The following SEMA6D variants were observed in gnomAD, a reference collection of about 807,000 sequenced individuals.
The protein encoded by SEMA6D is semaphorin-6D.
In SEMA6D, 35 loss-of-function variants were observed where a neutral mutation model predicts 106.6. That is an observed-to-expected ratio of 0.33 (90% CI 0.25 to 0.44). SEMA6D has a LOEUF of 0.44. Ranked by LOEUF, SEMA6D falls within the 20% of genes least tolerant of loss-of-function variation. SEMA6D has a pLI of 1.00. For missense variants in SEMA6D, 1,185 were observed against 1,345.9 expected, an observed-to-expected ratio of 0.88 and a Z score of 1.87; for synonymous variants, 499 against 487.7, an observed-to-expected ratio of 1.02 and a Z score of -0.31.
chr15:47,625,544 G>C (rs758276236), intron 4 of SEMA6D, among the ~76,000 whole-genome samples: 7 of 151,876 alleles, frequency 4.6e-5, no homozygotes, highest in Non-Finnish European at 1.0e-4. Context: ...GGGCAACATG[G>C]TGAAACCCCG....
chr15:47,452,882 G>C (rs2042234244), intron 2 of SEMA6D, among the ~76,000 whole-genome samples: 1 of 151,812 alleles, frequency 6.6e-6, no homozygotes, highest in African/African-American at 2.4e-5. Context: ...AGTATTTATT[G>C]AATAACAGCA....
At chr15:47,609,145 C>T (rs139263575) in intron 4 of SEMA6D, among the ~76,000 whole-genome samples, 2 of 152,308 alleles carry the variant, frequency 1.3e-5, no homozygotes, top group East Asian at 3.9e-4. Flanking sequence ...TGTGCCATAA[C>T]ACGGATTGTG....
At chr15:47,690,809 G>A (rs535602549) in intron 4 of SEMA6D, among the ~76,000 whole-genome samples, 30 of 152,172 alleles carry the variant, frequency 2.0e-4, no homozygotes, top group South Asian at 8.3e-4. Flanking sequence ...ACTTCATTTT[G>A]TAGCAATTTT....
intron 1 of SEMA6D, among the ~76,000 whole-genome samples, chr15:47,346,631 G>T (rs918659301): frequency 6.6e-6 from 1 of 151,990 alleles, no homozygotes; most frequent in African/African-American, 2.4e-5. Flanking sequence ...GAAATTCTAT[G>T]GTGACATAGT....
At chr15:47,645,233 AAC>A (rs2077560060) in intron 4 of SEMA6D, among the ~76,000 whole-genome samples, 1 of 152,170 alleles carries the variant, frequency 6.6e-6, no homozygotes, top group African/African-American at 2.4e-5. Context: ...TCTTTAAGGA[AAC>A]AGTCAAGTTG....
intron 1 of SEMA6D, among the ~76,000 whole-genome samples, chr15:47,312,159 T>C (rs113378231): frequency 1.1e-4 from 16 of 150,604 alleles, no homozygotes; most frequent in East Asian, 7.8e-4. Context: ...TTTTTTTTTT[T>C]CCCCATTACC....
chr15:47,261,715 TTC>T (rs1453774224), intron 1 of SEMA6D, among the ~76,000 whole-genome samples: 1 of 152,118 alleles, frequency 6.6e-6, no homozygotes, highest in Non-Finnish European at 1.5e-5. Flanking sequence ...ATGAATTCCT[TTC>T]TGTTTCTATG....
intron 3 of SEMA6D, among the ~76,000 whole-genome samples, chr15:47,551,564 A>T (rs2045688517): frequency 1.3e-5 from 2 of 152,146 alleles, no homozygotes; most frequent in Admixed American, 1.3e-4. Flanking sequence ...GCTGAGCCTC[A>T]CATACTACAT....
At chr15:47,535,372 T>C (rs763906027) in intron 3 of SEMA6D, among the ~76,000 whole-genome samples, 1 of 152,016 alleles carries the variant, frequency 6.6e-6, no homozygotes, top group Non-Finnish European at 1.5e-5. Context: ...GGTCACTGAG[T>C]AGGAAGAGGC....
chr15:47,722,069 C>T (rs1008625907), intron 1 of SEMA6D, among the ~76,000 whole-genome samples: 7 of 152,142 alleles, frequency 4.6e-5, no homozygotes, highest in African/African-American at 1.4e-4. Flanking sequence ...GGCAACCTGT[C>T]CCAGGCCCCT....
At chr15:47,196,209 T>C (rs1894346209) in intron 1 of SEMA6D, among the ~76,000 whole-genome samples, 1 of 152,058 alleles carries the variant, frequency 6.6e-6, no homozygotes, top group Non-Finnish European at 1.5e-5. Context: ...ACAAGCTCAG[T>C]TCTTGGACAT....
intron 1 of SEMA6D, among the ~76,000 whole-genome samples, chr15:47,207,993 G>GCGCGCGCGCACACA (rs1424944556): frequency 2.2e-5 from 2 of 89,398 alleles, no homozygotes; most frequent in African/African-American, 8.2e-5. Context: ...TGGCGCGCGC[G>GCGCGCGCGCACACA]CACACACACA....
At chr15:47,465,554 G>A (rs1218650474) in intron 2 of SEMA6D, among the ~76,000 whole-genome samples, 1 of 152,174 alleles carries the variant, frequency 6.6e-6, no homozygotes, top group Non-Finnish European at 1.5e-5. Flanking sequence ...CGTGTTGGAG[G>A]AGGGGCCTGG....
chr15:47,354,448 C>G (rs1496921), intron 1 of SEMA6D, among the ~76,000 whole-genome samples: 146,410 of 147,092 alleles, frequency 1, 72,869 homozygotes, highest in Middle Eastern at 1. Flanking sequence ...GAACAAGAGA[C>G]AGTTTTTAAG....
At chr15:47,541,074 T>TCTTAGG (rs2045339530) in intron 3 of SEMA6D, among the ~76,000 whole-genome samples, 1 of 152,096 alleles carries the variant, frequency 6.6e-6, no homozygotes, top group African/African-American at 2.4e-5. Flanking sequence ...ATGGGCACAA[T>TCTTAGG]ACAGAGAGGC....
At chr15:47,453,305 T>C (rs1466240668) in intron 2 of SEMA6D, among the ~76,000 whole-genome samples, 1 of 151,812 alleles carries the variant, frequency 6.6e-6, no homozygotes, top group Non-Finnish European at 1.5e-5. Flanking sequence ...AAACACCCTT[T>C]CAACAAATGT....
intron 3 of SEMA6D, among the ~76,000 whole-genome samples, chr15:47,546,322 G>A (rs1323578689): frequency 1.3e-5 from 2 of 152,106 alleles, no homozygotes; most frequent in East Asian, 3.9e-4. Flanking sequence ...AATTATCAAT[G>A]TTTCCCAAGA....
chr15:47,362,749 G>A (rs1228522817), intron 1 of SEMA6D, among the ~76,000 whole-genome samples: 2 of 152,144 alleles, frequency 1.3e-5, no homozygotes, highest in Non-Finnish European at 2.9e-5. Context: ...AAGAGGGGGA[G>A]GAGGCAGCTG....
chr15:47,271,014 A>C (rs1166648602), intron 1 of SEMA6D, among the ~76,000 whole-genome samples: 1 of 152,192 alleles, frequency 6.6e-6, no homozygotes, highest in African/African-American at 2.4e-5. Flanking sequence ...AGCTAAGTGT[A>C]CAAAGCATTA....
Sources: allele counts gnomAD v4.1 joint callset (sites outside exome capture counted in the v4.1 genomes callset), GRCh38; gene constraint gnomAD v4.1.1; transcripts MANE v1.5; gene names NCBI Gene and HGNC (gene_info 2026-07-23, HGNC 2026-07-21).